FHOD3: variants seen among roughly 807,000 people sequenced by gnomAD.
FHOD3 encodes the protein FH1/FH2 domain-containing protein 3.
A neutral mutation model predicts 173.0 loss-of-function variants in FHOD3; 90 were observed. The ratio of observed to expected loss-of-function variants is 0.52; its 90% CI spans 0.44 to 0.62. The LOEUF is 0.62. FHOD3 is among the 20% of genes least tolerant of loss of function. The probability of loss-of-function intolerance (pLI) is 0.00; values close to 1 mark genes in which losing one functional copy is unlikely to be tolerated. For synonymous variants in FHOD3, 828 were observed against 823.0 expected (o/e 1.01, Z -0.10); for missense variants, 1,945 against 2,034.7 (o/e 0.96, Z 0.85).
intron 5 of FHOD3, 80 bp downstream of exon 5, chr18:36,512,623 G>C: frequency 9.8e-7 from 1 of 1,023,956 alleles, no homozygotes; most frequent in Admixed American, 1.9e-5. Flanking sequence ...TAACTACTGA[G>C]AGCTTTTTAA....
At chr18:36,565,432 A>G (rs1249355744) in intron 5 of FHOD3, among the ~76,000 whole-genome samples, 1 of 152,204 alleles carries the variant, frequency 6.6e-6, no homozygotes, top group Non-Finnish European at 1.5e-5. Context: ...CTAATTGAAG[A>G]AAGCAGTGCC....
At chr18:36,599,911 T>A (rs2031096309) in intron 7 of FHOD3, among the ~76,000 whole-genome samples, 1 of 150,860 alleles carries the variant, frequency 6.6e-6, no homozygotes, top group Non-Finnish European at 1.5e-5. Context: ...AATTGTGTGC[T>A]TGCAGTCATC....
intron 3 of FHOD3, among the ~76,000 whole-genome samples, chr18:36,382,078 T>C (rs536904557): frequency 6.6e-6 from 1 of 151,132 alleles, no homozygotes; most frequent in Non-Finnish European, 1.5e-5. Flanking sequence ...CTCCGGGAGG[T>C]TGGAGGTGAG....
intron 3 of FHOD3, among the ~76,000 whole-genome samples, chr18:36,426,528 G>T (rs1568256323): frequency 6.6e-6 from 1 of 152,184 alleles, no homozygotes; most frequent in African/African-American, 2.4e-5. Flanking sequence ...GGGACTGGGG[G>T]AGCAGGTGCC....
At chr18:36,436,700 A>G (rs1396596799) in intron 3 of FHOD3, among the ~76,000 whole-genome samples, 1 of 152,194 alleles carries the variant, frequency 6.6e-6, no homozygotes, top group Non-Finnish European at 1.5e-5. Flanking sequence ...AATGTATGGT[A>G]GTAGCTACTG....
intron 18 of FHOD3, chr18:36,711,366 A>C (rs1276226337): frequency 2.6e-5 from 4 of 152,242 alleles, no homozygotes; most frequent in African/African-American, 9.6e-5. Flanking sequence ...GACTTGAAAA[A>C]GTCTCATTCC....
At chr18:36,506,672 G>A (rs1172492449) in intron 4 of FHOD3, among the ~76,000 whole-genome samples, 1 of 152,222 alleles carries the variant, frequency 6.6e-6, no homozygotes, top group Non-Finnish European at 1.5e-5. Context: ...TCTTATATAA[G>A]TGATAATGAA....
At chr18:36,777,488 C>T (rs1233610635) in intron 28 of FHOD3, among the ~76,000 whole-genome samples, 7 of 152,212 alleles carry the variant, frequency 4.6e-5, no homozygotes, top group East Asian at 1.9e-4. Context: ...CCACTGTGCC[C>T]GGCCAGCATG....
intron 6 of FHOD3, among the ~76,000 whole-genome samples, chr18:36,576,874 G>A (rs1249509618): frequency 2.6e-5 from 4 of 152,142 alleles, no homozygotes; most frequent in South Asian, 2.1e-4. Flanking sequence ...AGGCCAAAGC[G>A]GGTGGATCAC....
At chr18:36,388,736 C>G (rs2048150472) in intron 3 of FHOD3, among the ~76,000 whole-genome samples, 1 of 152,142 alleles carries the variant, frequency 6.6e-6, no homozygotes, top group South Asian at 2.1e-4. Flanking sequence ...GAGTTTATAC[C>G]AAAACCACAA....
rs532430656 is a variant in FHOD3 at position 36,447,486 on chromosome 18, T to G, written c.338-54446T>G. ...TTGTTTTTCCTGCCTGAGCTGGTTT[T>G]GTTTTGTTTGTTTGTTTTTTCCCCC... is the stretch of plus-strand genomic sequence containing the variant. On this transcript the variant is annotated intron_variant, in intron 3 of 28. Coordinates refer to ENST00000590592, the MANE Select transcript of FHOD3 (RefSeq NM_001281740.3). Among the ~76,000 whole-genome samples, 46 of 137,436 alleles carry G rather than the reference T, an allele frequency of 3.3e-4. No homozygotes were observed. In the East Asian group the frequency reaches 0.013, roughly 38 times the overall value. The allele number at this position is 137,436 out of a possible 152,430, so 90.2% of individuals were successfully genotyped here.
chr18:36,533,907 G>A (rs2056886981), intron 5 of FHOD3, among the ~76,000 whole-genome samples: 1 of 152,214 alleles, frequency 6.6e-6, no homozygotes, highest in Admixed American at 6.5e-5. Context: ...AAGAATCAGA[G>A]TGTGCCAGGA....
intron 3 of FHOD3, among the ~76,000 whole-genome samples, chr18:36,491,011 C>T (rs1280130279): frequency 1.3e-5 from 2 of 152,180 alleles, no homozygotes; most frequent in African/African-American, 4.8e-5. Context: ...CAGGCACCTA[C>T]CCCAGCCAGA....
intron 3 of FHOD3, among the ~76,000 whole-genome samples, chr18:36,427,784 A>G (rs2050327142): frequency 6.6e-6 from 1 of 152,208 alleles, no homozygotes; most frequent in Non-Finnish European, 1.5e-5. Context: ...GGATGAATGG[A>G]TATGTAAATG....
chr18:36,656,872 T>C (rs574437712), intron 13 of FHOD3, among the ~76,000 whole-genome samples: 7 of 152,320 alleles, frequency 4.6e-5, no homozygotes, highest in African/African-American at 1.7e-4. Flanking sequence ...TTTAGTTTTC[T>C]ACCATGATCT....
intron 6 of FHOD3, 67 bp downstream of exon 6, chr18:36,576,612 A>C (rs577797717): frequency 7.6e-7 from 1 of 1,315,084 alleles, no homozygotes; most frequent in East Asian, 2.4e-5. Flanking sequence ...TTTTTCTCTG[A>C]GTCAGTTTTG....
intron 20 of FHOD3, among the ~76,000 whole-genome samples, chr18:36,738,841 A>G (rs1379936694): frequency 6.6e-6 from 1 of 152,112 alleles, no homozygotes; most frequent in African/African-American, 2.4e-5. Flanking sequence ...ATAGCTTTTT[A>G]TTTATTAAAG....
chr18:36,649,295 C>G, intron 10 of FHOD3, 21 bp from the exon 11 acceptor site: 1 of 1,529,348 alleles, frequency 6.5e-7, no homozygotes, highest in Non-Finnish European at 8.8e-7. Context: ...GTGCATTTCT[C>G]TTTTCCTGGC....
At chr18:36,585,913 G>A (rs2059010864) in intron 6 of FHOD3, among the ~76,000 whole-genome samples, 1 of 152,198 alleles carries the variant, frequency 6.6e-6, no homozygotes, top group African/African-American at 2.4e-5. Flanking sequence ...TTTTCTAGGA[G>A]AGTTGGATGA....
Sources: allele counts gnomAD v4.1 joint callset (sites outside exome capture counted in the v4.1 genomes callset), GRCh38; gene constraint gnomAD v4.1.1; transcripts MANE v1.5; gene names NCBI Gene and HGNC (gene_info 2026-07-23, HGNC 2026-07-21).